The following KPNA3 variants were observed in gnomAD, a reference collection of about 807,000 sequenced individuals.
The protein encoded by KPNA3 is karyopherin subunit alpha 3.
Under a neutral mutation model 73.8 loss-of-function variants are expected in KPNA3, and 13 were observed. The ratio of observed to expected loss-of-function variants is 0.18; its 90% CI spans 0.11 to 0.28. KPNA3 has a LOEUF of 0.28. Among genes scored for constraint, KPNA3 ranks in the 10% least tolerant of loss-of-function variants. The pLI, the probability that KPNA3 is intolerant of heterozygous loss-of-function variation, is 1.00. For synonymous variants in KPNA3, 186 were observed against 206.9 expected, an observed-to-expected ratio of 0.90 and a Z score of 0.87; for missense variants, 360 against 618.1, an observed-to-expected ratio of 0.58 and a Z score of 4.43.
intron 12 of KPNA3, among the ~76,000 whole-genome samples, chr13:49,706,863 C>T (rs1467877936): frequency 2.0e-5 from 3 of 152,110 alleles, no homozygotes. Context: ...ATTCTCCTGC[C>T]TCAGTCTCCC....
intron 7 of KPNA3, among the ~76,000 whole-genome samples, chr13:49,724,367 G>A (rs1018084454): frequency 6.6e-6 from 1 of 151,294 alleles, no homozygotes; most frequent in Non-Finnish European, 1.5e-5. Context: ...GCAGCGGCAC[G>A]ATCTCGGCTC....
intron 12 of KPNA3, among the ~76,000 whole-genome samples, chr13:49,708,437 C>T (rs1954228482): frequency 6.6e-6 from 1 of 152,130 alleles, no homozygotes; most frequent in Admixed American, 6.5e-5. Flanking sequence ...GAATGTAAAA[C>T]AGTGCAGCTG....
intron 9 of KPNA3, among the ~76,000 whole-genome samples, chr13:49,721,087 C>T (rs530316215): frequency 1.3e-5 from 2 of 151,986 alleles, no homozygotes; most frequent in African/African-American, 2.4e-5. Flanking sequence ...GGTGTGGTGG[C>T]GCTGGCCTGT....
intron 1 of KPNA3, among the ~76,000 whole-genome samples, chr13:49,784,085 G>C (rs970381880): frequency 3.0e-4 from 46 of 152,064 alleles, no homozygotes; most frequent in African/African-American, 1.1e-3. Flanking sequence ...AGACCCCATC[G>C]CTACAAAAAG....
intron 6 of KPNA3, among the ~76,000 whole-genome samples, chr13:49,730,519 CAAAAAAAAAAAAAAAAAAAAAAAAA>C (rs55725741): frequency 3.7e-5 from 1 of 27,280 alleles, no homozygotes; most frequent in Non-Finnish European, 6.3e-5. Context: ...GACTCTGTCT[CAAAAAAAAAAAAAAAAAAAAAAAAA>C]AAAAAAAAAA....
chr13:49,726,770 C>T (rs1397580728), intron 6 of KPNA3, among the ~76,000 whole-genome samples: 1 of 151,410 alleles, frequency 6.6e-6, no homozygotes, highest in African/African-American at 2.4e-5. Context: ...CGGTGAGACC[C>T]CATTTTTACA....
At chr13:49,740,787 T>C (rs1191498157) in intron 2 of KPNA3, among the ~76,000 whole-genome samples, 2 of 152,278 alleles carry the variant, frequency 1.3e-5, no homozygotes, top group African/African-American at 4.8e-5. Flanking sequence ...ATACTTTGAA[T>C]CAATATCTCC....
At chr13:49,716,498 G>A (rs947250093) in intron 10 of KPNA3, among the ~76,000 whole-genome samples, 4 of 151,968 alleles carry the variant, frequency 2.6e-5, no homozygotes, top group African/African-American at 9.7e-5. Flanking sequence ...GAGTGCAGTG[G>A]CGTGATCTCG....
chr13:49,704,419 AAAATAAAT>A (rs1207510424), intron 15 of KPNA3, among the ~76,000 whole-genome samples: 2 of 127,594 alleles, frequency 1.6e-5, no homozygotes, highest in African/African-American at 5.5e-5. Context: ...TCTCAAAAAA[AAAATAAAT>A]AAATAAAAAA....
chr13:49,739,891 C>T (rs1270454418), intron 2 of KPNA3, among the ~76,000 whole-genome samples: 1 of 152,096 alleles, frequency 6.6e-6, no homozygotes, highest in Non-Finnish European at 1.5e-5. Context: ...GACAAAAATT[C>T]TATATATGTA....
At chr13:49,736,985 T>C (rs976334498) in intron 2 of KPNA3, among the ~76,000 whole-genome samples, 2 of 152,212 alleles carry the variant, frequency 1.3e-5, no homozygotes, top group African/African-American at 2.4e-5. Context: ...TGGAGATTTA[T>C]ATAAATTGTT....
At chr13:49,748,554 T>C (rs780836114) in intron 1 of KPNA3, among the ~76,000 whole-genome samples, 1 of 152,054 alleles carries the variant, frequency 6.6e-6, no homozygotes, top group Non-Finnish European at 1.5e-5. Context: ...ATCTCTTTCT[T>C]AAACCACAGT....
In KPNA3 at chr13:49,738,920, G is replaced by A. The variant is rs537120902; in HGVS notation, c.115-5874C>T. On this transcript the variant is annotated intron_variant, in intron 2 of 16. Coordinates refer to ENST00000261667, the MANE Select transcript of KPNA3 (RefSeq NM_002267.4). Reference sequence around the variant, plus strand: ...TTCCTCACCTTGCTTCTGAATCTCAGGGGAAAGCATTTAGTCTTTCACCAT... The same window carrying A: ...TTCCTCACCTTGCTTCTGAATCTCAAGGGAAAGCATTTAGTCTTTCACCAT... Among the ~76,000 whole-genome samples, 3 of 152,304 alleles carry A rather than the reference G, an allele frequency of 2.0e-5. No homozygotes were observed. In the South Asian group the frequency reaches 6.2e-4, roughly 32 times the overall value.
intron 16 of KPNA3, among the ~76,000 whole-genome samples, chr13:49,702,159 A>G (rs2137527676): frequency 6.6e-6 from 1 of 152,290 alleles, no homozygotes; most frequent in African/African-American, 2.4e-5. Context: ...TATAATTACT[A>G]TTTCTTCCTA....
chr13:49,741,460 T>G, intron 2 of KPNA3, among the ~76,000 whole-genome samples: 1 of 151,504 alleles, frequency 6.6e-6, no homozygotes, highest in African/African-American at 2.4e-5. Context: ...TTTGCCCTTT[T>G]TTTTTTTTTT....
Position 49,725,402 on chromosome 13 carries a change from A to G in KPNA3, c.469+14T>C. The G allele has an allele frequency of 1.3e-6, 2 of 1,537,010 alleles. 1 individual carries two copies. The highest frequency in any genetic ancestry group is 2.4e-5 in the South Asian group (2 of 83,418). ...TAAAACACAAAAAGTTCAGACAGTA[A>G]GGAATTTACTTACTAGACTGCACAA... On this transcript the variant is annotated intron_variant, in intron 7 of 16. Transcript: ENST00000261667.
At chr13:49,769,189 G>A (rs1167565976) in intron 1 of KPNA3, among the ~76,000 whole-genome samples, 2 of 152,134 alleles carry the variant, frequency 1.3e-5, no homozygotes, top group Admixed American at 1.3e-4. Context: ...AGAATGCCAC[G>A]TTACTTTTAC....
chr13:49,719,672 T>C (rs1954337174), intron 10 of KPNA3, 103 bp downstream of exon 10: 5 of 805,336 alleles, frequency 6.2e-6, no homozygotes, highest in Non-Finnish European at 6.3e-6. Context: ...AAATACGTTG[T>C]AGAAACTTGA....
At chr13:49,763,799 G>A (rs1954787588) in intron 1 of KPNA3, among the ~76,000 whole-genome samples, 1 of 152,066 alleles carries the variant, frequency 6.6e-6, no homozygotes, top group African/African-American at 2.4e-5. Context: ...GGGTGAGGTG[G>A]TGGGCACCAG....
Sources: gnomAD v4.1 joint callset for allele counts (sites outside exome capture counted in the v4.1 genomes callset) on GRCh38, gnomAD v4.1.1 for gene constraint, MANE v1.5 for transcripts, NCBI Gene and HGNC (gene_info 2026-07-23, HGNC 2026-07-21) for gene names.